THBS4: variants seen among roughly 807,000 people sequenced by gnomAD.
THBS4 encodes the protein thrombospondin-4.
THBS4 carries 90 observed loss-of-function variants against 115.7 expected under a neutral mutation model. That is an observed-to-expected ratio of 0.78 (90% CI 0.66 to 0.93). The LOEUF (loss-of-function observed/expected upper bound fraction) is 0.93. THBS4 is among the 40% of genes least tolerant of loss of function. THBS4 has a pLI of 0.00. For synonymous variants in THBS4, 460 were observed against 479.3 expected, an observed-to-expected ratio of 0.96 and a Z score of 0.53; for missense variants, 1,087 against 1,232.7, an observed-to-expected ratio of 0.88 and a Z score of 1.77.
chr5:80,042,525 GC>G (rs1228403045), intron 2 of THBS4, among the ~76,000 whole-genome samples: 1 of 152,194 alleles, frequency 6.6e-6, no homozygotes, highest in African/African-American at 2.4e-5. Context: ...AAAGTCTGTT[GC>G]TGGGAAACAC....
In THBS4 at chr5:79,991,942, A is replaced by G. The variant is rs1014355566; in HGVS notation, n.81+530A>G. Among the ~76,000 whole-genome samples, 3 of 152,108 alleles carry G rather than the reference A, an allele frequency of 2.0e-5. No homozygotes were observed. In the South Asian group the frequency reaches 6.2e-4, roughly 32 times the overall value. On this transcript the variant is annotated intron_variant and non_coding_transcript_variant, in intron 1 of 3. Transcript: ENST00000510218. ...CCTAGCTACAGACCTTTTGCCTTTCACAGAAGAGGGCTAGCTTCATAGGTT... is the reference window on the plus strand; with the variant it reads ...CCTAGCTACAGACCTTTTGCCTTTCGCAGAAGAGGGCTAGCTTCATAGGTT...
At chr5:80,005,240 A>G (rs903660879) in intron 2 of THBS4, among the ~76,000 whole-genome samples, 1 of 152,140 alleles carries the variant, frequency 6.6e-6, no homozygotes. Context: ...TTCAGAAAAC[A>G]TTGTAGATGT....
chr5:80,005,947 A>C (rs531234862), intron 2 of THBS4, among the ~76,000 whole-genome samples: 1 of 151,914 alleles, frequency 6.6e-6, no homozygotes, highest in East Asian at 1.9e-4. Context: ...TTGTATCTTT[A>C]GTAGACATGG....
In THBS4 at chr5:80,079,823, C is replaced by A. The variant is rs552507897; in HGVS notation, c.2512-82C>A. The A allele has an allele frequency of 1.3e-4, 188 of 1,429,402 alleles. 3 individuals are homozygous for A. In the South Asian group the frequency reaches 2.3e-3, roughly 17 times the overall value. The allele number at this position is 1,429,402 out of a possible 1,614,324, so 88.5% of individuals were successfully genotyped here. A position where few individuals can be genotyped will look rare whatever the true frequency, so the allele number is the denominator to read the frequency against. On this transcript the variant is annotated intron_variant, in intron 19 of 21. Coordinates refer to ENST00000350881, the MANE Select transcript of THBS4 (RefSeq NM_003248.6). ...GCCGGATTATAACCATGACTATAAC[C>A]TGGATCATCACTTCAGATCCAGGAA...
At chr5:80,057,893 TACAG>T (rs1833483943) in intron 3 of THBS4, among the ~76,000 whole-genome samples, 1 of 152,184 alleles carries the variant, frequency 6.6e-6, no homozygotes, top group Non-Finnish European at 1.5e-5. Context: ...ATAAACAAAT[TACAG>T]ACAATTCTTA....
chr5:80,010,212 C>T (rs1233939865), intron 2 of THBS4, among the ~76,000 whole-genome samples: 1 of 152,204 alleles, frequency 6.6e-6, no homozygotes, highest in Non-Finnish European at 1.5e-5. Flanking sequence ...AGAATCCTTA[C>T]TGCAGTCTAC....
chr5:80,063,784 C>A (rs1439711672), intron 8 of THBS4, among the ~76,000 whole-genome samples: 3 of 152,186 alleles, frequency 2.0e-5, no homozygotes, highest in Non-Finnish European at 2.9e-5. Flanking sequence ...ACAAGGCAGA[C>A]AGAACTGAAG....
Position 80,070,691 on chromosome 5 carries a change from G to C in THBS4, c.1501G>C (p.Asp501His). 1 of 1,614,216 alleles carries C rather than the reference G, an allele frequency of 6.2e-7. No homozygotes were observed. ...PNSGQEDADR[D>H]GIGDACDEDA... Reference sequence around the variant, plus strand: ...TTCTGGCCAAGAAGATGCAGACAGAGATGGCATTGGCGACGCTTGTGACGA... The same window carrying C: ...TTCTGGCCAAGAAGATGCAGACAGACATGGCATTGGCGACGCTTGTGACGA... The change falls in exon 12 of 22, where the codon GAT (aspartate) becomes CAT (histidine). Residue 501 changes from aspartate to histidine, a missense_variant. Asp to His is a moderately conservative substitution (Grantham distance 81, BLOSUM62 -1). This residue lies in a region of THBS4 where 979 missense variants were observed against 1,103.7 expected (regional missense o/e 0.89). Coordinates refer to ENST00000350881, the MANE Select transcript of THBS4 (RefSeq NM_003248.6).
rs768739915 is a variant in THBS4 at position 80,082,437 on chromosome 5, G to A, written c.2716G>A (p.Ala906Thr). 25 of 1,614,142 alleles carry A rather than the reference G, an allele frequency of 1.5e-5. No individual in the cohort carries two copies. The highest frequency in any genetic ancestry group is 2.1e-5 in the Non-Finnish European group (25 of 1,179,990). Residue 906 changes from alanine (A) to threonine (T), a missense_variant, in exon 21 of 22, where the codon GCT becomes ACT. Transcript: ENST00000350881. ...ATTTTATGAAGGCTCTGAGTTGGTGGCTGACTCTGGCGTCACCATAGACAC... is the reference window on the plus strand; with the variant it reads ...ATTTTATGAAGGCTCTGAGTTGGTGACTGACTCTGGCGTCACCATAGACAC... The part of the protein sequence containing the change: ...VRFYEGSELV[A>T]DSGVTIDTTM...
chr5:80,045,443 T>C (rs1833031337), intron 2 of THBS4, among the ~76,000 whole-genome samples: 1 of 151,710 alleles, frequency 6.6e-6, no homozygotes. Flanking sequence ...TTAAGAGAGA[T>C]GGTAGAGCTT....
chr5:80,052,747 T>G (rs1313956039), intron 2 of THBS4: 1 of 152,238 alleles, frequency 6.6e-6, no homozygotes, highest in Non-Finnish European at 1.5e-5. Flanking sequence ...AAAATGAACC[T>G]AGAAAGTCTA....
At chr5:80,020,688 C>T (rs755396741) in intron 2 of THBS4, among the ~76,000 whole-genome samples, 4 of 152,088 alleles carry the variant, frequency 2.6e-5, no homozygotes, top group African/African-American at 4.8e-5. Context: ...ACGTGGGATT[C>T]AGAGTCATCA....
intron 2 of THBS4, among the ~76,000 whole-genome samples, chr5:80,021,574 G>A (rs1389702993): frequency 1.3e-5 from 2 of 151,788 alleles, no homozygotes; most frequent in African/African-American, 4.8e-5. Flanking sequence ...TGGTACAGTC[G>A]TAGCTCACTA....
At chr5:80,073,390 GTTT>G in intron 15 of THBS4, 63 bp downstream of exon 15, 1 of 1,188,254 alleles carries the variant, frequency 8.4e-7, no homozygotes, top group South Asian at 1.4e-5. Context: ...TTTTTGGTTT[GTTT>G]TTTTTTTTGA....
chr5:80,006,777 T>C (rs1832026916), intron 2 of THBS4, among the ~76,000 whole-genome samples: 1 of 152,144 alleles, frequency 6.6e-6, no homozygotes, highest in Non-Finnish European at 1.5e-5. Context: ...AAGGATTACT[T>C]AATGGGTACA....
At chr5:80,063,348 ATATC>A in intron 8 of THBS4, among the ~76,000 whole-genome samples, 1 of 152,252 alleles carries the variant, frequency 6.6e-6, no homozygotes, top group South Asian at 2.1e-4. Flanking sequence ...GTGTCTGTTC[ATATC>A]CTTTGCCCAC....
chr5:80,015,159 G>T (rs1432865140), intron 2 of THBS4, among the ~76,000 whole-genome samples: 1 of 152,282 alleles, frequency 6.6e-6, no homozygotes, highest in Middle Eastern at 3.4e-3. Flanking sequence ...AAGAGATGAA[G>T]CAAGGAAAAA....
intron 2 of THBS4, among the ~76,000 whole-genome samples, chr5:80,025,192 A>G (rs1371239646): frequency 6.6e-6 from 1 of 152,080 alleles, no homozygotes; most frequent in Non-Finnish European, 1.5e-5. Flanking sequence ...AACTTACCAT[A>G]CTCTTCCACA....
rs1831851213 is a variant in THBS4, at chr5:79,999,093, TTC to T, written n.177+670_177+671del. Among the ~76,000 whole-genome samples the T allele has an allele frequency of 2.0e-5, 3 of 152,198 alleles. No homozygotes were observed. In the South Asian group the frequency reaches 6.2e-4, roughly 32 times the overall value. On this transcript the variant is annotated intron_variant and non_coding_transcript_variant, in intron 2 of 3. Transcript: ENST00000510218. ...AATATAAACTACAAACAATCCAGCATTCTCTGTTTGGCTAAAGATACATTTCA... is the reference window on the plus strand; with the variant it reads ...AATATAAACTACAAACAATCCAGCATTCTGTTTGGCTAAAGATACATTTCA...
Sources: gnomAD v4.1 joint callset for allele counts (sites outside exome capture counted in the v4.1 genomes callset) on GRCh38, gnomAD v4.1.1 for gene constraint, gnomAD v4.1.1 regional missense constraint, MANE v1.5 for transcripts, NCBI Gene and HGNC (gene_info 2026-07-23, HGNC 2026-07-21) for gene names.